UST: variants seen among roughly 807,000 people sequenced by gnomAD.
UST encodes the protein uronyl 2-sulfotransferase, also known as chondroitin sulfate 2-O-sulfotransferase.
In UST, 21 loss-of-function variants were observed where a neutral mutation model predicts 45.6. That is an observed-to-expected ratio of 0.46 (90% CI 0.33 to 0.66). The LOEUF (loss-of-function observed/expected upper bound fraction) is 0.66. Ranked by LOEUF, UST falls within the 30% of genes least tolerant of loss-of-function variation. UST has a pLI of 0.02. For synonymous variants in UST, 215 were observed against 200.6 expected (o/e 1.07, Z -0.61); for missense variants, 463 against 512.4 (o/e 0.90, Z 0.93).
chr6:148,954,618 G>C (rs1273099744), intron 4 of UST, among the ~76,000 whole-genome samples: 1 of 152,144 alleles, frequency 6.6e-6, no homozygotes, highest in East Asian at 1.9e-4. Context: ...GCAGTAGGCC[G>C]TGCCATCGAG....
rs148825399 is a variant in UST at position 148,899,509 on chromosome 6, T to A, written c.291+12480T>A. On this transcript the variant is annotated intron_variant, in intron 2 of 7. Coordinates refer to ENST00000367463, the MANE Select transcript of UST (RefSeq NM_005715.3). ...TTGGAAAGTACAGAAAATTATAGAC[T>A]AGCAGGAAAAAATAATTACCCACAA... is the stretch of plus-strand genomic sequence containing the variant. Among the ~76,000 whole-genome samples the A allele has an allele frequency of 4.4e-3, 675 of 152,302 alleles. 3 individuals are homozygous for A. The highest frequency in any genetic ancestry group is 0.015 in the African/African-American group (636 of 41,566).
intron 1 of UST, among the ~76,000 whole-genome samples, chr6:148,789,798 A>G (rs1447609946): frequency 6.6e-6 from 1 of 152,008 alleles, no homozygotes; most frequent in Admixed American, 6.6e-5. Flanking sequence ...GGGTTTTACC[A>G]TGTTGGCCAG....
chr6:149,034,055 C>T (rs1776194120), intron 7 of UST, among the ~76,000 whole-genome samples: 1 of 152,146 alleles, frequency 6.6e-6, no homozygotes, highest in Non-Finnish European at 1.5e-5. Flanking sequence ...ATTACCTTTA[C>T]TTCTACTTCC....
chr6:148,753,516 G>A (rs1042359075), intron 1 of UST, among the ~76,000 whole-genome samples: 2 of 151,752 alleles, frequency 1.3e-5, no homozygotes, highest in African/African-American at 2.4e-5. Context: ...TTTTTATTGC[G>A]GAATAAAATG....
chr6:149,049,923 T>C (rs879860030), intron 7 of UST, among the ~76,000 whole-genome samples: 2 of 102,884 alleles, frequency 1.9e-5, no homozygotes, highest in Non-Finnish European at 4.4e-5. Context: ...TCTCTCTCTC[T>C]CTCTCTCTCA....
At chr6:148,884,481 G>A (rs9377172) in intron 1 of UST, among the ~76,000 whole-genome samples, 17,650 of 152,126 alleles carry the variant, frequency 0.12, 1,377 homozygotes, top group East Asian at 0.36. Flanking sequence ...GAAGAGGGTG[G>A]GGAAGAGCTT....
chr6:149,039,199 G>A (rs1330022085), intron 7 of UST, among the ~76,000 whole-genome samples: 2 of 152,054 alleles, frequency 1.3e-5, no homozygotes, highest in Non-Finnish European at 1.5e-5. Context: ...GACACTATGC[G>A]CTGTGATGTA....
chr6:148,766,710 G>C (rs1776331100), intron 1 of UST, among the ~76,000 whole-genome samples: 1 of 152,146 alleles, frequency 6.6e-6, no homozygotes, highest in Non-Finnish European at 1.5e-5. Context: ...CTCAAGACTG[G>C]CTGCATGATA....
intron 5 of UST, among the ~76,000 whole-genome samples, chr6:148,995,533 C>T (rs1488489714): frequency 6.6e-6 from 1 of 152,216 alleles, no homozygotes; most frequent in African/African-American, 2.4e-5. Context: ...TAGCATTATT[C>T]TTGCCAGAAA....
intron 1 of UST, among the ~76,000 whole-genome samples, chr6:148,880,270 C>T (rs1778799930): frequency 6.6e-6 from 1 of 152,108 alleles, no homozygotes; most frequent in South Asian, 2.1e-4. Context: ...TCTGACTTTT[C>T]ATATCCATTG....
At chr6:148,961,913 G>A (rs2114954565) in intron 4 of UST, among the ~76,000 whole-genome samples, 1 of 152,264 alleles carries the variant, frequency 6.6e-6, no homozygotes, top group South Asian at 2.1e-4. Context: ...TCCCTACTCA[G>A]GCACTAGGAC....
intron 1 of UST, among the ~76,000 whole-genome samples, chr6:148,847,422 G>A (rs1466919229): frequency 6.6e-6 from 1 of 152,254 alleles, no homozygotes; most frequent in South Asian, 2.1e-4. Flanking sequence ...GGCCGCCCAA[G>A]GTTCCTTGCT....
chr6:148,886,787 G>A (rs189188292), intron 1 of UST, among the ~76,000 whole-genome samples, 199 bp from the exon 2 acceptor site: 220 of 152,306 alleles, frequency 1.4e-3, no homozygotes, highest in African/African-American at 5.0e-3. Flanking sequence ...TAGAATGTTT[G>A]TAACAGCTGA....
chr6:149,032,001 A>G (rs997435745), intron 7 of UST, among the ~76,000 whole-genome samples: 1 of 152,236 alleles, frequency 6.6e-6, no homozygotes, highest in Admixed American at 6.5e-5. Context: ...CAGAGTGAGG[A>G]GAGCTGGGGC....
At chr6:148,937,411 A>T (rs539303443) in intron 2 of UST, among the ~76,000 whole-genome samples, 1 of 152,356 alleles carries the variant, frequency 6.6e-6, no homozygotes, top group African/African-American at 2.4e-5. Context: ...TTCTTTTTAA[A>T]TAACAAACTT....
At chr6:149,007,279 C>T (rs917669805) in intron 5 of UST, among the ~76,000 whole-genome samples, 1 of 148,782 alleles carries the variant, frequency 6.7e-6, no homozygotes, top group Non-Finnish European at 1.5e-5. Flanking sequence ...ACCACCACAC[C>T]CGACCAATTT....
chr6:148,776,899 G>T (rs1034224514), intron 1 of UST, among the ~76,000 whole-genome samples: 4 of 152,144 alleles, frequency 2.6e-5, no homozygotes, highest in Non-Finnish European at 4.4e-5. Flanking sequence ...GTCCTGCTGG[G>T]TGCACTCTTG....
chr6:149,027,362 G>A (rs1239416402), intron 7 of UST, among the ~76,000 whole-genome samples: 1 of 152,176 alleles, frequency 6.6e-6, no homozygotes, highest in Non-Finnish European at 1.5e-5. Flanking sequence ...TGGGAGTTAG[G>A]AGGAACTTCT....
chr6:149,064,892 C>G (rs911569175), intron 7 of UST, among the ~76,000 whole-genome samples: 2 of 91,482 alleles, frequency 2.2e-5, no homozygotes, highest in African/African-American at 9.8e-5. Context: ...GAATCCATTT[C>G]TAAAAAAAAA....
Sources: allele counts gnomAD v4.1 joint callset (sites outside exome capture counted in the v4.1 genomes callset), GRCh38; gene constraint gnomAD v4.1.1; transcripts MANE v1.5; gene names NCBI Gene and HGNC (gene_info 2026-07-23, HGNC 2026-07-21).